ZNF821: variants seen among roughly 807,000 people sequenced by gnomAD.
The protein encoded by ZNF821 is zinc finger protein 821.
Under a neutral mutation model 44.3 loss-of-function variants are expected in ZNF821, and 16 were observed. The ratio of observed to expected loss-of-function variants is 0.36; its 90% confidence interval spans 0.24 to 0.55. ZNF821 has a LOEUF of 0.55. ZNF821 is among the 20% of genes least tolerant of loss of function. ZNF821 has a pLI of 0.86. For synonymous variants in ZNF821, 204 were observed against 197.6 expected, an observed-to-expected ratio of 1.03 and a Z score of -0.27; for missense variants, 436 against 547.6, an observed-to-expected ratio of 0.80 and a Z score of 2.03.
intron 1 of ZNF821, chr16:71,890,586 A>T (rs966346572): frequency 1.3e-5 from 2 of 151,436 alleles, no homozygotes; most frequent in South Asian, 4.2e-4. Flanking sequence ...AGATTTTCGC[A>T]ATGTTGACCA....
chr16:71,864,921 G>A lies in ZNF821; in HGVS notation c.294C>T (p.Asn98=), dbSNP rs752143297. 6.8e-6 allele frequency: 11 copies of A among 1,613,986 alleles called. No individual in the cohort carries two copies. Among genetic ancestry groups the A allele is most frequent in the South Asian group, 4.4e-5 (4 of 91,086 alleles). The change falls in exon 5 of 8, where the codon AAC becomes AAT. Residue 98 remains asparagine, a synonymous_variant. Transcript: ENST00000425432. ...LENTEQPVGG[N]EVVEHEVTGN... ...CACTTGCCTCGTGCTCTACCACTTCGTTCCCACCAACAGGCTGTTCTGTAT... is the reference window on the plus strand; with the variant it reads ...CACTTGCCTCGTGCTCTACCACTTCATTCCCACCAACAGGCTGTTCTGTAT...
intron 3 of ZNF821, 77 bp downstream of exon 3, chr16:71,879,830 C>T: frequency 7.4e-7 from 1 of 1,349,850 alleles, no homozygotes; most frequent in Non-Finnish European, 1.0e-6. Flanking sequence ...GCGTGAGCTT[C>T]TCCCCTAAAT....
At chr16:71,873,614 C>T (rs562225536) in intron 3 of ZNF821, among the ~76,000 whole-genome samples, 8 of 152,232 alleles carry the variant, frequency 5.3e-5, no homozygotes, top group African/African-American at 1.9e-4. Flanking sequence ...GTGGATCCAT[C>T]AAATGTTGCT....
intron 2 of ZNF821, among the ~76,000 whole-genome samples, chr16:71,882,531 G>T (rs1350737583): frequency 1.3e-5 from 2 of 152,190 alleles, no homozygotes; most frequent in Non-Finnish European, 2.9e-5. Context: ...ACAGAGATGA[G>T]TGTCTGCGTA....
intron 2 of ZNF821, among the ~76,000 whole-genome samples, chr16:71,882,717 C>G (rs1597211201): frequency 6.6e-6 from 1 of 152,072 alleles, no homozygotes; most frequent in South Asian, 2.1e-4. Context: ...CAAAAACAGG[C>G]CTGTGGGGTC....
chr16:71,875,189 A>G (rs113604899), intron 3 of ZNF821, among the ~76,000 whole-genome samples: 5 of 152,090 alleles, frequency 3.3e-5, no homozygotes, highest in Admixed American at 2.6e-4. Flanking sequence ...CCTCAAAACA[A>G]TGTTCTTTCG....
upstream of ZNF821, among the ~76,000 whole-genome samples, chr16:71,889,703 C>A (rs2036875486): frequency 6.6e-6 from 1 of 151,640 alleles, no homozygotes; most frequent in Non-Finnish European, 1.5e-5. Flanking sequence ...AAAACAACAA[C>A]AAAAAAACAA....
upstream of ZNF821, among the ~76,000 whole-genome samples, chr16:71,889,278 C>G (rs2335710): frequency 0.8 from 121,652 of 152,122 alleles, 49,010 homozygotes; most frequent in East Asian, 0.98. Flanking sequence ...ATATGATGTT[C>G]AGTGTCAAAG....
chr16:71,871,863 GCT>G (rs1242449513), intron 3 of ZNF821, among the ~76,000 whole-genome samples: 2 of 146,932 alleles, frequency 1.4e-5, no homozygotes, highest in Non-Finnish European at 3.0e-5. Flanking sequence ...AGAGTTTTTC[GCT>G]CTGTCACCCA....
intron 3 of ZNF821, among the ~76,000 whole-genome samples, chr16:71,871,416 T>C (rs759052755): frequency 1.3e-5 from 2 of 152,178 alleles, no homozygotes; most frequent in African/African-American, 2.4e-5. Context: ...AGAAAAGATA[T>C]GTGAATTATC....
intron 3 of ZNF821, 56 bp downstream of exon 3, chr16:71,879,851 C>T (rs1234187725): frequency 6.5e-7 from 1 of 1,547,536 alleles, no homozygotes; most frequent in East Asian, 2.3e-5. Flanking sequence ...TCAGGTTACT[C>T]TTCCATTCCA....
At chr16:71,888,837 T>G (rs1427182571), upstream of ZNF821, among the ~76,000 whole-genome samples, 1 of 152,212 alleles carries the variant, frequency 6.6e-6, no homozygotes, top group African/African-American at 2.4e-5. Flanking sequence ...TGATCTTATA[T>G]ATGAACCCAA....
chr16:71,883,224 G>A lies in ZNF821; in HGVS notation c.-91C>T. On this transcript the variant is annotated 5_prime_UTR_variant, in exon 2 of 8. Transcript: ENST00000425432. ...GTGCGTTCCCACCTCCAGCTCTGGT[G>A]CAGTTCCCACGGAGCAAAGCAAACT... 1 of 456,412 alleles carries A rather than the reference G, an allele frequency of 2.2e-6. No individual in the cohort carries two copies. Among genetic ancestry groups the A allele is most frequent in the South Asian group, 1.5e-5 (1 of 64,558 alleles). The allele number at this position is 456,412 out of a possible 1,614,324, so 28.3% of individuals were successfully genotyped here.
upstream of ZNF821, among the ~76,000 whole-genome samples, chr16:71,887,259 CTT>C (rs60449301): frequency 9.6e-5 from 12 of 124,856 alleles, no homozygotes; most frequent in African/African-American, 1.2e-4. Context: ...TATATTCAAC[CTT>C]TTTTTTTTTT....
At chr16:71,871,282 T>C (rs770626963) in intron 3 of ZNF821, among the ~76,000 whole-genome samples, 4 of 152,180 alleles carry the variant, frequency 2.6e-5, no homozygotes, top group Non-Finnish European at 2.9e-5. Flanking sequence ...TTTTAGTCTA[T>C]TCCTGACTTG....
intron 4 of ZNF821, among the ~76,000 whole-genome samples, 176 bp downstream of exon 4, chr16:71,867,734 CTT>C (rs545874604): frequency 2.2e-4 from 33 of 152,114 alleles, no homozygotes; most frequent in African/African-American, 7.9e-4. Flanking sequence ...AACCTGTCCT[CTT>C]TTTCTGGATA....
At chr16:71,894,922 G>A in exon 1 of ZNF821, 1 of 1,160,948 alleles carries the variant, frequency 8.6e-7, no homozygotes, top group Admixed American at 2.0e-5. Context: ...AGAGACTGTG[G>A]TGCTGAGGAA....
chr16:71,882,989 C>T (rs1441959043), intron 2 of ZNF821: 1 of 361,240 alleles, frequency 2.8e-6, no homozygotes. Context: ...GACAGGTAAA[C>T]GGTGAGATTC....
At chr16:71,873,325 A>G (rs920717544) in intron 3 of ZNF821, among the ~76,000 whole-genome samples, 2 of 152,132 alleles carry the variant, frequency 1.3e-5, no homozygotes, top group African/African-American at 4.8e-5. Context: ...CTGTCTCAAA[A>G]AAAAAAAAAC....
Sources: allele counts gnomAD v4.1 joint callset (sites outside exome capture counted in the v4.1 genomes callset), GRCh38; gene constraint gnomAD v4.1.1; transcripts MANE v1.5; gene names NCBI Gene and HGNC (gene_info 2026-07-23, HGNC 2026-07-21).